The following DIAPH2 variants were observed in gnomAD, a reference collection of about 807,000 sequenced individuals.
DIAPH2 encodes the protein diaphanous related formin 2.
A neutral mutation model predicts 92.7 loss-of-function variants in DIAPH2; 35 were observed. The observed-to-expected ratio is 0.38, with a 90% CI of 0.29 to 0.50. DIAPH2 has a LOEUF of 0.50. Ranked by LOEUF, DIAPH2 falls within the 20% of genes least tolerant of loss-of-function variation. The pLI is 0.94. For synonymous variants in DIAPH2, 301 were observed against 280.4 expected, an observed-to-expected ratio of 1.07 and a Z score of -0.73; for missense variants, 701 against 819.5, an observed-to-expected ratio of 0.86 and a Z score of 1.77.
chrX:96,891,301 A>G (rs142208695), intron 5 of DIAPH2, among the ~76,000 whole-genome samples: 1 of 112,378 alleles, frequency 8.9e-6, no homozygotes, highest in Non-Finnish European at 1.9e-5. Context: ...TGCATGGTGA[A>G]TTAATGAAAT....
In DIAPH2 at chrX:97,507,082, A is replaced by G. The variant is rs773089133; in HGVS notation, c.3241+77337A>G. ...AATATTTGCCATCTGGCCCTTCACA[A>G]GGAAAATGTTGCTGGCCTTTCTTCC... is the stretch of plus-strand genomic sequence containing the variant. On this transcript the variant is annotated intron_variant, in intron 26 of 26. Coordinates refer to ENST00000324765, the MANE Select transcript of DIAPH2 (RefSeq NM_006729.5). 2.9e-5 allele frequency among the ~76,000 whole-genome samples: 3 copies of G among 104,513 alleles called. No individual in the cohort carries two copies. The Admixed American group carries it at 3.1e-4, about 11-fold the overall frequency. 90.8% of individuals were successfully genotyped at this position (104,513 alleles called of 115,157 possible).
intron 26 of DIAPH2, among the ~76,000 whole-genome samples, chrX:97,589,099 C>T (rs1161893632): frequency 1.1e-5 from 1 of 92,344 alleles, no homozygotes; most frequent in African/African-American, 3.8e-5. Flanking sequence ...GGGTGGCTCA[C>T]CTGAGGTCAA....
intron 17 of DIAPH2, among the ~76,000 whole-genome samples, chrX:96,967,256 G>T (rs2065898566): frequency 9.0e-6 from 1 of 111,222 alleles, no homozygotes; most frequent in South Asian, 3.8e-4. Context: ...AGAATACCCA[G>T]TATTTAGCTC....
intron 22 of DIAPH2, among the ~76,000 whole-genome samples, chrX:97,192,210 C>A (rs2067658899): frequency 9.7e-6 from 1 of 102,708 alleles, no homozygotes; most frequent in Non-Finnish European, 2.0e-5. Flanking sequence ...AGGAGAATCA[C>A]TTGAACCCGT....
chrX:97,342,629 G>A (rs187976387), intron 23 of DIAPH2, among the ~76,000 whole-genome samples: 7 of 111,955 alleles, frequency 6.3e-5, no homozygotes, highest in African/African-American at 1.9e-4. Context: ...CCAGGCGCAC[G>A]TCTAGGTGTT....
intron 26 of DIAPH2, among the ~76,000 whole-genome samples, chrX:97,495,128 G>A (rs1273243324): frequency 5.3e-5 from 6 of 112,159 alleles, no homozygotes; most frequent in Non-Finnish European, 1.1e-4. Flanking sequence ...TTTCAGTGCT[G>A]AGCTGTGATG....
At chrX:97,482,239 T>A (rs919690777) in intron 26 of DIAPH2, among the ~76,000 whole-genome samples, 1 of 112,205 alleles carries the variant, frequency 8.9e-6, no homozygotes, top group African/African-American at 3.2e-5. Flanking sequence ...TAGGATATAA[T>A]AACATTTTAA....
intron 1 of DIAPH2, among the ~76,000 whole-genome samples, chrX:96,731,452 CTT>C (rs2064055030): frequency 9.0e-6 from 1 of 111,182 alleles, no homozygotes; most frequent in Non-Finnish European, 1.9e-5. Context: ...GGTGGTGAGA[CTT>C]TTGAATTATA....
intron 19 of DIAPH2, among the ~76,000 whole-genome samples, chrX:97,093,724 C>T (rs1602337323): frequency 8.9e-6 from 1 of 111,896 alleles, no homozygotes; most frequent in East Asian, 2.8e-4. Context: ...GAAAGCAATA[C>T]ATGTATTTTG....
At chrX:96,703,925 CCTTTT>C (rs200995245) in intron 1 of DIAPH2, among the ~76,000 whole-genome samples, 3,691 of 111,297 alleles carry the variant, frequency 0.033, 157 homozygotes, top group African/African-American at 0.11. Context: ...CTCCCTCCCT[CCTTTT>C]CTTTTCTTTT....
intron 4 of DIAPH2, among the ~76,000 whole-genome samples, chrX:96,871,277 G>T (rs1364047738): frequency 9.1e-6 from 1 of 109,496 alleles, no homozygotes; most frequent in Non-Finnish European, 1.9e-5. Context: ...GACCATCCTG[G>T]CTAACACGGT....
In DIAPH2 at chrX:97,599,276, A is replaced by G. The variant is rs2071576335; in HGVS notation, c.3265A>G (p.Arg1089Gly). Residue 1089 changes from arginine to glycine, a missense_variant, in exon 27 of 27, where the codon AGG becomes GGG. Arg to Gly is a moderately radical substitution (Grantham distance 125). Coordinates refer to ENST00000324765, the MANE Select transcript of DIAPH2 (RefSeq NM_006729.5). ...AGATAACAGACGAGTACCTTTGGAA[A>G]GGTCACGCTCTCGCCACAATGGAGC... ...NPDNRRVPLE[R>G]SRSRHNGAIS... is the part of the protein sequence containing the mutation. 2.5e-6 allele frequency: 3 copies of G among 1,196,034 alleles called. No homozygotes were observed. The highest frequency in any genetic ancestry group is 3.4e-6 in the Non-Finnish European group (3 of 884,821).
intron 16 of DIAPH2, among the ~76,000 whole-genome samples, chrX:96,961,812 A>G (rs191865655): frequency 1.1e-4 from 12 of 109,792 alleles, no homozygotes; most frequent in Admixed American, 2.9e-4. Context: ...CTTTAAGTCT[A>G]TGTACTTGCA....
chrX:97,401,557 A>G (rs2069757539), intron 25 of DIAPH2, among the ~76,000 whole-genome samples: 1 of 111,616 alleles, frequency 9.0e-6, no homozygotes, highest in African/African-American at 3.3e-5. Context: ...GTGCCTCAGG[A>G]ACCCTGCTAC....
intron 4 of DIAPH2, among the ~76,000 whole-genome samples, chrX:96,816,028 G>GT (rs979077547): frequency 2.7e-4 from 30 of 111,137 alleles, no homozygotes; most frequent in African/African-American, 7.8e-4. Context: ...ACCACTTTGA[G>GT]TTTTTTTTGA....
At chrX:97,435,970 C>G (rs1394679373) in intron 26 of DIAPH2, among the ~76,000 whole-genome samples, 1 of 110,278 alleles carries the variant, frequency 9.1e-6, no homozygotes, top group East Asian at 2.9e-4. Flanking sequence ...CCACGCCCGG[C>G]TAATTTTTGT....
chrX:97,387,622 C>A lies in DIAPH2; in HGVS notation c.3145+3578C>A, dbSNP rs1180004369. Reference sequence around the variant, plus strand: ...GGTACAAACCGCTTTACCCAAAGTTCACTGATTTAAATGTTGATCTCATCC... The same window carrying A: ...GGTACAAACCGCTTTACCCAAAGTTAACTGATTTAAATGTTGATCTCATCC... On this transcript the variant is annotated intron_variant, in intron 25 of 26. Transcript: ENST00000324765. Among the ~76,000 whole-genome samples the A allele has an allele frequency of 2.7e-5, 3 of 111,953 alleles. No individual in the cohort carries two copies. The Admixed American group carries it at 2.8e-4, about 11-fold the overall frequency.
At chrX:97,185,686 A>T (rs1285856960) in intron 22 of DIAPH2, among the ~76,000 whole-genome samples, 1 of 103,020 alleles carries the variant, frequency 9.7e-6, no homozygotes, top group Non-Finnish European at 2.0e-5. Context: ...TTTCTATGGT[A>T]CCTATGCATA....
At chrX:96,741,918 C>G (rs1291122625) in intron 3 of DIAPH2, among the ~76,000 whole-genome samples, 3 of 111,989 alleles carry the variant, frequency 2.7e-5, no homozygotes, top group Non-Finnish European at 5.6e-5. Flanking sequence ...CCTTTTCAGT[C>G]TTCTTTGCTC....
Sources: allele counts gnomAD v4.1 joint callset (sites outside exome capture counted in the v4.1 genomes callset), GRCh38; gene constraint gnomAD v4.1.1; transcripts MANE v1.5; gene names NCBI Gene and HGNC (gene_info 2026-07-23, HGNC 2026-07-21).